Variants in KHK observed in about 807,000 individuals in gnomAD.
KHK encodes the protein fructokinase.
A neutral mutation model predicts 36.0 loss-of-function variants in KHK; 37 were observed. That is an observed-to-expected ratio of 1.03 (90% CI 0.79 to 1.35). KHK has a LOEUF of 1.35. KHK is among the 40% of genes most tolerant of loss of function. The pLI, the probability that KHK is intolerant of heterozygous loss-of-function variation, is 0.00. For synonymous variants in KHK, 161 were observed against 162.8 expected (o/e 0.99, Z 0.08); for missense variants, 395 against 391.9 (o/e 1.01, Z -0.07).
chr2:27,096,702 CTCTG>C (rs752072289), intron 3 of KHK, 23 bp from the exon 4 acceptor site: 10 of 1,601,614 alleles, frequency 6.2e-6, no homozygotes, highest in South Asian at 1.1e-5. Context: ...GCTCCTTCTT[CTCTG>C]TCTTTTCCAT....
At chr2:27,090,817 G>C (rs1422968431) in intron 1 of KHK, among the ~76,000 whole-genome samples, 11 of 151,846 alleles carry the variant, frequency 7.2e-5, no homozygotes, top group Admixed American at 7.2e-4. Flanking sequence ...ACTTTGGGAG[G>C]CCAAGGCAGG....
At position 27,096,766 on chromosome 2, in the gene KHK, G is replaced by A. The variant is rs1670379174; in HGVS notation, c.382G>A (p.Val128Ile). ...PDVSATDFEK[V>I]DLTQFKWIHI... is the part of the protein sequence containing the mutation. ...TGTGTCTGCTACAGACTTTGAGAAG[G>A]TTGATCTGACCCAGTTCAAGTGGAT... The change falls in exon 4 of 8, where the codon GTT becomes ATT. Residue 128 changes from valine to isoleucine, a missense_variant. Transcript: ENST00000260598. The A allele has an allele frequency of 6.2e-7, 1 of 1,613,958 alleles. No individual in the cohort carries two copies. The highest frequency in any genetic ancestry group is 8.5e-7 in the Non-Finnish European group (1 of 1,180,016).
intron 5 of KHK, among the ~76,000 whole-genome samples, chr2:27,098,409 T>C (rs1670537512): frequency 1.3e-5 from 2 of 151,240 alleles, no homozygotes; most frequent in Admixed American, 6.6e-5. Context: ...TCCCAGCACC[T>C]TGGGAGGCCA....
Position 27,100,442 on chromosome 2 carries a change from A to C in KHK, c.*692A>C. 7.7e-7 allele frequency: 1 copy of C among 1,291,078 alleles called. No individual in the cohort carries two copies. The highest frequency in any genetic ancestry group is 5.5e-5 in the East Asian group (1 of 18,164). 80.0% of individuals were successfully genotyped at this position (1,291,078 alleles called of 1,614,324 possible). On this transcript the variant is annotated 3_prime_UTR_variant, in exon 8 of 8. Transcript: ENST00000260598. ...TTGGAATTAAGGGCGTGCCTCAGCC[A>C]CAAATGTGACCCAGGATACAGAGTG... is the stretch of plus-strand genomic sequence containing the variant.
rs1299449826 is a variant in KHK at position 27,097,668 on chromosome 2, C to T, written c.564+19C>T. 2 of 1,603,894 alleles carry T rather than the reference C, an allele frequency of 1.2e-6. No individual in the cohort carries two copies. The highest frequency in any genetic ancestry group is 1.7e-6 in the Non-Finnish European group (2 of 1,179,982). On this transcript the variant is annotated intron_variant, in intron 5 of 7. Transcript: ENST00000260598. ...AGACGTGGTGGGTGCCCCATTCAGC[C>T]TCTCTTTGCCACTTCCAGCTAATTT...
chr2:27,097,549 C>A lies in KHK; in HGVS notation c.464C>A (p.Ala155Glu). Residue 155 changes from alanine to glutamate, a missense_variant, in exon 5 of 8, where the codon GCA becomes GAA. Ala to Glu is a moderately radical substitution (Grantham distance 107). Coordinates refer to ENST00000260598, the MANE Select transcript of KHK (RefSeq NM_006488.3). ...EQVKMLQRIDAHNTRQPPEQK... is the reference protein window; with the variant it reads ...EQVKMLQRIDEHNTRQPPEQK... ...GTGAAGATGCTGCAGCGGATAGACG[C>A]ACACAACACCAGGCAGCCTCCAGAG... 6.2e-7 allele frequency: 1 copy of A among 1,613,982 alleles called. No homozygotes were observed. The highest frequency in any genetic ancestry group is 8.5e-7 in the Non-Finnish European group (1 of 1,180,040).
intron 3 of KHK, among the ~76,000 whole-genome samples, chr2:27,096,506 C>A (rs931721811): frequency 2.0e-5 from 3 of 152,132 alleles, no homozygotes; most frequent in African/African-American, 7.2e-5. Flanking sequence ...TTCAGTTTAC[C>A]GAGATAATTT....
chr2:27,094,993 C>G, intron 3 of KHK, 59 bp downstream of exon 3: 1 of 1,597,192 alleles, frequency 6.3e-7, no homozygotes, highest in Non-Finnish European at 8.6e-7. Flanking sequence ...CAATCAGTTC[C>G]CTCACTCGCC....
At chr2:27,096,547 C>T (rs528196157) in intron 3 of KHK, among the ~76,000 whole-genome samples, 182 bp from the exon 4 acceptor site, 30 of 152,212 alleles carry the variant, frequency 2.0e-4, no homozygotes, top group African/African-American at 7.0e-4. Context: ...GAAAGGGCAC[C>T]CCAGCAGACT....
intron 3 of KHK, among the ~76,000 whole-genome samples, chr2:27,096,104 C>G (rs1173019639): frequency 6.6e-6 from 1 of 152,190 alleles, no homozygotes; most frequent in Non-Finnish European, 1.5e-5. Flanking sequence ...TGGAAGGACT[C>G]GGCTACAGAA....
chr2:27,092,521 C>A, intron 2 of KHK, 73 bp downstream of exon 2: 1 of 1,114,904 alleles, frequency 9.0e-7, no homozygotes. Flanking sequence ...ATGTATCCAC[C>A]CTGGGTGGAT....
intron 5 of KHK, among the ~76,000 whole-genome samples, chr2:27,098,547 A>G (rs1457094253): frequency 6.6e-6 from 1 of 151,454 alleles, no homozygotes; most frequent in Non-Finnish European, 1.5e-5. Context: ...AGGCTGAGGC[A>G]GGAGGATTGC....
At chr2:27,096,875 T>C in intron 4 of KHK, 74 bp downstream of exon 4, 1 of 1,102,902 alleles carries the variant, frequency 9.1e-7, no homozygotes, top group Non-Finnish European at 1.4e-6. Flanking sequence ...CTCCTTGGTT[T>C]CTTTGAATCA....
In KHK at chr2:27,099,292, G is replaced by A. The variant is rs369037689; in HGVS notation, c.653+8G>A. ...TGGTCGTGTGAGGAAAGGGTGAGCC[G>A]GGGAAGCCAGGAAGGGGCTTTAGAA... On this transcript the variant is annotated splice_region_variant and intron_variant, in intron 6 of 7. Transcript: ENST00000260598. 21 of 1,613,786 alleles carry A rather than the reference G, an allele frequency of 1.3e-5. No individual in the cohort carries two copies. In the African/African-American group the frequency reaches 1.3e-4, roughly 10 times the overall value.
intron 3 of KHK, among the ~76,000 whole-genome samples, chr2:27,095,874 A>G (rs1436519403): frequency 6.6e-6 from 1 of 152,234 alleles, no homozygotes; most frequent in Non-Finnish European, 1.5e-5. Flanking sequence ...CTTGTTAAGC[A>G]ACAATCCGTA....
In KHK at chr2:27,091,540, AATTATT is replaced by A. The variant is rs546632652; in HGVS notation, c.93-782_93-777del. Among the ~76,000 whole-genome samples, 590 of 152,248 alleles carry A rather than the reference AATTATT, an allele frequency of 3.9e-3. 6 individuals are homozygous for A. The highest frequency in any genetic ancestry group is 5.9e-3 in the Non-Finnish European group (400 of 68,022). On this transcript the variant is annotated intron_variant, in intron 1 of 7. Transcript: ENST00000260598. ...TGTTCCTTTTATTGTAAACTGCCAC[AATTATT>A]ATTATTATTGGAACTGGCACAATAG...
chr2:27,094,590 G>T, intron 2 of KHK: 1 of 1,614,110 alleles, frequency 6.2e-7, no homozygotes, highest in Non-Finnish European at 8.5e-7. Context: ...AGTGGTAGCC[G>T]CACCATCCTA....
chr2:27,090,298 G>C (rs181030481), intron 1 of KHK, among the ~76,000 whole-genome samples: 92 of 152,268 alleles, frequency 6.0e-4, no homozygotes, highest in African/African-American at 2.1e-3. Flanking sequence ...CAATGGCTTT[G>C]GGGTCAGGAA....
At chr2:27,088,715 C>T (rs113567112) in intron 1 of KHK, among the ~76,000 whole-genome samples, 96 of 152,338 alleles carry the variant, frequency 6.3e-4, no homozygotes, top group Middle Eastern at 3.4e-3. Flanking sequence ...TGAGCCACCA[C>T]ACCCGGCTTA....
Sources: gnomAD v4.1 joint callset for allele counts (sites outside exome capture counted in the v4.1 genomes callset) on GRCh38, gnomAD v4.1.1 for gene constraint, MANE v1.5 for transcripts, NCBI Gene and HGNC (gene_info 2026-07-23, HGNC 2026-07-21) for gene names.